TNRC6B: variants seen among roughly 807,000 people sequenced by gnomAD.
The protein encoded by TNRC6B is trinucleotide repeat containing adaptor 6B, also known as trinucleotide repeat-containing gene 6B protein.
In TNRC6B, 52 loss-of-function variants were observed where a neutral mutation model predicts 203.6. The ratio of observed to expected loss-of-function variants is 0.26; its 90% CI spans 0.20 to 0.32. TNRC6B has a LOEUF of 0.32. TNRC6B is among the 10% of genes least tolerant of loss of function. The pLI is 1.00. For synonymous variants in TNRC6B, 838 were observed against 845.7 expected (o/e 0.99, Z 0.16); for missense variants, 1,923 against 2,286.2 (o/e 0.84, Z 3.24).
At chr22:40,285,836 C>T (rs1422164339) in intron 12 of TNRC6B, 66 bp downstream of exon 12, 1 of 1,570,244 alleles carries the variant, frequency 6.4e-7, no homozygotes, top group Non-Finnish European at 8.6e-7. Context: ...CAGTTGTTAA[C>T]TGATTTTTGT....
chr22:40,277,472 A>T (rs577505336), intron 8 of TNRC6B, among the ~76,000 whole-genome samples: 2 of 152,302 alleles, frequency 1.3e-5, no homozygotes, highest in East Asian at 1.9e-4. Context: ...ATGATTTTTT[A>T]AAAAGGCAAC....
chr22:40,216,649 A>G (rs1238813918), intron 1 of TNRC6B, among the ~76,000 whole-genome samples: 1 of 152,148 alleles, frequency 6.6e-6, no homozygotes, highest in Non-Finnish European at 1.5e-5. Context: ...CAACACCTCT[A>G]TATTAAGTGG....
intron 1 of TNRC6B, among the ~76,000 whole-genome samples, chr22:40,243,460 C>T (rs1199305494): frequency 6.6e-6 from 1 of 152,144 alleles, no homozygotes; most frequent in East Asian, 1.9e-4. Context: ...GAATTTACTT[C>T]TATTGAGCAT....
At chr22:40,093,129 TAAG>T (rs1009712423) in intron 1 of TNRC6B, among the ~76,000 whole-genome samples, 1 of 152,030 alleles carries the variant, frequency 6.6e-6, no homozygotes, top group Non-Finnish European at 1.5e-5. Context: ...ATTAAGAAAA[TAAG>T]AATGAAAAAA....
At chr22:40,117,464 A>G (rs2068399405) in intron 2 of TNRC6B, among the ~76,000 whole-genome samples, 1 of 151,900 alleles carries the variant, frequency 6.6e-6, no homozygotes, top group Non-Finnish European at 1.5e-5. Context: ...GCCAGGGTTC[A>G]CTTTCTGAAT....
At chr22:40,264,073 CTG>C (rs2070431655) in intron 4 of TNRC6B, among the ~76,000 whole-genome samples, 1 of 152,178 alleles carries the variant, frequency 6.6e-6, no homozygotes, top group African/African-American at 2.4e-5. Flanking sequence ...GTAAATTTCA[CTG>C]TGTGAATTCA....
Position 40,227,061 on chromosome 22 carries a change from C to T in TNRC6B, c.6-18954C>T, listed in dbSNP as rs534424744. ...AGTAGCTGAGACTACAGGCATGTGT[C>T]GCCACACCCAGCTAATTATTATTAT... On this transcript the variant is annotated intron_variant, in intron 1 of 22. Transcript: ENST00000454349. Among the ~76,000 whole-genome samples, 8 of 148,674 alleles carry T rather than the reference C, an allele frequency of 5.4e-5. No homozygotes were observed. In the East Asian group the frequency reaches 5.9e-4, roughly 11 times the overall value.
At chr22:40,123,246 T>A (rs1164499284) in intron 2 of TNRC6B, among the ~76,000 whole-genome samples, 1 of 151,792 alleles carries the variant, frequency 6.6e-6, no homozygotes, top group African/African-American at 2.4e-5. Flanking sequence ...GGAGGAGAGA[T>A]GACAGTGTGC....
intron 1 of TNRC6B, among the ~76,000 whole-genome samples, chr22:40,064,634 T>C (rs1318187012): frequency 6.6e-6 from 1 of 151,960 alleles, no homozygotes; most frequent in Non-Finnish European, 1.5e-5. Context: ...TTTTTTCTTT[T>C]TGAGACAGGG....
intron 12 of TNRC6B, among the ~76,000 whole-genome samples, chr22:40,292,622 C>T (rs2070883281): frequency 6.6e-6 from 1 of 152,226 alleles, no homozygotes; most frequent in Admixed American, 6.5e-5. Flanking sequence ...ATAATTAACT[C>T]CCTGAAATGG....
intron 1 of TNRC6B, among the ~76,000 whole-genome samples, chr22:40,206,940 G>A (rs1292507563): frequency 3.3e-5 from 5 of 152,060 alleles, no homozygotes; most frequent in South Asian, 2.1e-4. Flanking sequence ...TTAAAACATC[G>A]GACGTTTATT....
intron 1 of TNRC6B, among the ~76,000 whole-genome samples, chr22:40,218,130 T>C (rs929063877): frequency 1.3e-5 from 2 of 152,036 alleles, no homozygotes; most frequent in Non-Finnish European, 2.9e-5. Context: ...GCTACTAATA[T>C]CAAAGTGCTT....
rs538075927 is a variant in TNRC6B at position 40,101,214 on chromosome 22, G to A, written c.-120-15841G>A. On this transcript the variant is annotated intron_variant, in intron 1 of 23. Coordinates refer to the TNRC6B transcript ENST00000301923. ...TCATTGCGTTAGCCAGGATGGTCTCGATCTCCTAACCTTGTGATCCGCCCA... is the reference window on the plus strand; with the variant it reads ...TCATTGCGTTAGCCAGGATGGTCTCAATCTCCTAACCTTGTGATCCGCCCA... 3.3e-5 allele frequency among the ~76,000 whole-genome samples: 5 copies of A among 151,996 alleles called. No individual in the cohort carries two copies. The South Asian group carries it at 6.2e-4, about 19-fold the overall frequency.
At chr22:40,068,450 T>C (rs768111042) in intron 1 of TNRC6B, among the ~76,000 whole-genome samples, 5 of 152,092 alleles carry the variant, frequency 3.3e-5, no homozygotes, top group Admixed American at 6.5e-5. Context: ...CCTGAGTAGC[T>C]GGGACTACAG....
intron 4 of TNRC6B, among the ~76,000 whole-genome samples, chr22:40,169,631 C>T (rs181792176): frequency 5.9e-5 from 9 of 152,244 alleles, no homozygotes; most frequent in East Asian, 3.9e-4. Context: ...AGTGGCTTTC[C>T]GACTTTTCTT....
intron 5 of TNRC6B, among the ~76,000 whole-genome samples, chr22:40,268,482 T>G (rs1319194421): frequency 6.6e-6 from 1 of 152,164 alleles, no homozygotes; most frequent in Admixed American, 6.5e-5. Flanking sequence ...TTTTTTCAAG[T>G]ATTGAAAAGA....
chr22:40,315,522 C>T lies in TNRC6B; in HGVS notation c.4903+15C>T. 1.9e-6 allele frequency: 3 copies of T among 1,611,632 alleles called. No individual in the cohort carries two copies. Among genetic ancestry groups the T allele is most frequent in the Non-Finnish European group, 2.5e-6 (3 of 1,178,150 alleles). ...GCTCGCCTCGGGTGAGGAGGATCTG[C>T]CTAAAGGAACACCATTGTTCATCCA... On this transcript the variant is annotated intron_variant, in intron 20 of 22. Coordinates refer to ENST00000454349, the MANE Select transcript of TNRC6B (RefSeq NM_001162501.2).
At chr22:40,298,522 T>C (rs1378579490) in intron 12 of TNRC6B, among the ~76,000 whole-genome samples, 1 of 152,192 alleles carries the variant, frequency 6.6e-6, no homozygotes, top group Non-Finnish European at 1.5e-5. Flanking sequence ...AATGTGAACA[T>C]TTATGGAGGA....
intron 1 of TNRC6B, among the ~76,000 whole-genome samples, chr22:40,073,005 C>T (rs748983004): frequency 1.6e-4 from 24 of 151,916 alleles, no homozygotes; most frequent in Non-Finnish European, 2.8e-4. Context: ...TGAGGGCACA[C>T]GTAATAAGTA....
Sources: allele counts gnomAD v4.1 joint callset (sites outside exome capture counted in the v4.1 genomes callset), GRCh38; gene constraint gnomAD v4.1.1; transcripts MANE v1.5; gene names NCBI Gene and HGNC (gene_info 2026-07-23, HGNC 2026-07-21).